CREM: variants seen among roughly 807,000 people sequenced by gnomAD.
The protein encoded by CREM is cAMP responsive element modulator, also known as cAMP-responsive element modulator.
In CREM, 13 loss-of-function variants were observed where a neutral mutation model predicts 37.3. The observed-to-expected ratio is 0.35, with a 90% CI of 0.23 to 0.55. The LOEUF is 0.55. Among genes scored for constraint, CREM ranks in the 20% least tolerant of loss-of-function variants. The pLI is 0.88. For synonymous variants in CREM, 124 were observed against 120.2 expected, an observed-to-expected ratio of 1.03 and a Z score of -0.21; for missense variants, 296 against 362.3, an observed-to-expected ratio of 0.82 and a Z score of 1.49.
At chr10:35,172,798 T>G (rs2093886148) in intron 3 of CREM, among the ~76,000 whole-genome samples, 1 of 152,208 alleles carries the variant, frequency 6.6e-6, no homozygotes, top group Non-Finnish European at 1.5e-5. Flanking sequence ...CTGCCTGTTT[T>G]TCCACAGAAC....
chr10:35,139,652 G>A (rs1430626892), intron 2 of CREM, among the ~76,000 whole-genome samples: 2 of 152,020 alleles, frequency 1.3e-5, no homozygotes, highest in Non-Finnish European at 2.9e-5. Context: ...GTTAATTAAA[G>A]ACTATTAGTT....
At chr10:35,186,976 T>C (rs1372430195) in intron 5 of CREM, among the ~76,000 whole-genome samples, 1 of 91,750 alleles carries the variant, frequency 1.1e-5, no homozygotes, top group Non-Finnish European at 1.9e-5. Context: ...ATTTATATAT[T>C]ATATGTGATA....
At chr10:35,157,946 T>C (rs1167354724) in intron 3 of CREM, among the ~76,000 whole-genome samples, 1 of 152,124 alleles carries the variant, frequency 6.6e-6, no homozygotes, top group African/African-American at 2.4e-5. Flanking sequence ...TATGTACTAA[T>C]AGTGAACTAC....
intron 3 of CREM, among the ~76,000 whole-genome samples, chr10:35,150,518 C>T (rs553396746): frequency 6.6e-6 from 1 of 152,254 alleles, no homozygotes; most frequent in African/African-American, 2.4e-5. Flanking sequence ...CTGTGAGCCT[C>T]ACTCAGAAAT....
intron 5 of CREM, among the ~76,000 whole-genome samples, chr10:35,185,236 G>A (rs1443763208): frequency 1.3e-5 from 2 of 151,852 alleles, no homozygotes; most frequent in African/African-American, 4.8e-5. Flanking sequence ...CCGAGGAGCT[G>A]GGATTGCAGG....
At chr10:35,166,852 T>C (rs944317694) in intron 3 of CREM, among the ~76,000 whole-genome samples, 2 of 151,890 alleles carry the variant, frequency 1.3e-5, no homozygotes, top group African/African-American at 4.8e-5. Context: ...CTTTTAAAAA[T>C]TAAAGTGGGC....
Position 35,211,592 on chromosome 10 carries a change from T to G in CREM, c.*194T>G. On this transcript the variant is annotated 3_prime_UTR_variant, in exon 8 of 8. Transcript: ENST00000685392. ...GTGATCACACTTACCGAGCTTACTT[T>G]GATCTGTTTGTCAATAGCATGCAAA... 6.3e-7 allele frequency: 1 copy of G among 1,576,388 alleles called. No homozygotes were observed. Among genetic ancestry groups the G allele is most frequent in the African/African-American group, 1.4e-5 (1 of 73,612 alleles).
At position 35,158,816 on chromosome 10, in the gene CREM, TG is replaced by T. The variant is rs1554897011; in HGVS notation, c.168+10326del. Among the ~76,000 whole-genome samples the T allele has an allele frequency of 7.2e-3, 608 of 84,892 alleles. 13 individuals are homozygous for T. The highest frequency in any genetic ancestry group is 0.019 in the African/African-American group (555 of 29,680). The allele number at this position is 84,892 out of a possible 152,430, so 55.7% of individuals were successfully genotyped here. A position where few individuals can be genotyped will look rare whatever the true frequency, so the allele number is the denominator to read the frequency against. On this transcript the variant is annotated intron_variant, in intron 3 of 7. Transcript: ENST00000685392. ...ATATAGTGTTTTTTTTTTGTTGTTTTGTTTGTTTTTTTTTTTTTTTTACAGA... is the reference window on the plus strand; with the variant it reads ...ATATAGTGTTTTTTTTTTGTTGTTTTTTTGTTTTTTTTTTTTTTTTACAGA...
intron 6 of CREM, among the ~76,000 whole-genome samples, chr10:35,198,955 G>A (rs2095302784): frequency 6.6e-6 from 1 of 152,056 alleles, no homozygotes; most frequent in African/African-American, 2.4e-5. Context: ...TTCAAGACCA[G>A]CCTGGCCAAC....
At chr10:35,176,083 T>C in intron 3 of CREM, 1 of 1,477,392 alleles carries the variant, frequency 6.8e-7, no homozygotes, top group Admixed American at 2.5e-5. Context: ...ATCATTTTTC[T>C]TTATGAAGTG....
chr10:35,163,255 T>A (rs887406184), intron 3 of CREM, among the ~76,000 whole-genome samples: 1 of 152,024 alleles, frequency 6.6e-6, no homozygotes, highest in African/African-American at 2.4e-5. Context: ...AACAAAAATA[T>A]TAAATGTGTG....
chr10:35,127,335 A>ACCCCGGGGCCGGGC (rs965870717), intron 1 of CREM, 142 bp downstream of exon 1: 1 of 151,724 alleles, frequency 6.6e-6, no homozygotes, highest in Admixed American at 6.6e-5. Context: ...GCGGGCCGGG[A>ACCCCGGGGCCGGGC]CCCCGGGGCC....
At chr10:35,187,052 T>C (rs1564920414) in intron 5 of CREM, among the ~76,000 whole-genome samples, 1 of 75,306 alleles carries the variant, frequency 1.3e-5, no homozygotes, top group African/African-American at 5.2e-5. Context: ...TTATATATAA[T>C]TAATATATAT....
chr10:35,203,236 A>G (rs1159495115), intron 6 of CREM, among the ~76,000 whole-genome samples: 1 of 152,000 alleles, frequency 6.6e-6, no homozygotes, highest in Non-Finnish European at 1.5e-5. Context: ...TGTAGAGATC[A>G]GGTTTCTCCA....
intron 3 of CREM, among the ~76,000 whole-genome samples, chr10:35,174,388 T>A (rs548371487): frequency 2.0e-5 from 3 of 152,346 alleles, no homozygotes; most frequent in Admixed American, 1.3e-4. Context: ...GTGCACCTAG[T>A]ACAAGGCTCA....
intron 6 of CREM, chr10:35,195,751 G>T: frequency 2.2e-6 from 1 of 446,790 alleles, no homozygotes; most frequent in South Asian, 2.5e-5. Context: ...AAAATGGTCT[G>T]TTCAGCTAAT....
intron 2 of CREM, among the ~76,000 whole-genome samples, chr10:35,142,782 T>G (rs564208573): frequency 6.6e-6 from 1 of 152,058 alleles, no homozygotes; most frequent in African/African-American, 2.4e-5. Context: ...ACTTTTTTGT[T>G]TTCTATGTGG....
At chr10:35,190,241 T>C (rs2094852271) in intron 6 of CREM, among the ~76,000 whole-genome samples, 1 of 152,266 alleles carries the variant, frequency 6.6e-6, no homozygotes, top group Non-Finnish European at 1.5e-5. Flanking sequence ...CAAAGATTTT[T>C]TTCCACATTT....
At chr10:35,177,935 G>A (rs1165208759) in intron 3 of CREM, among the ~76,000 whole-genome samples, 1 of 152,156 alleles carries the variant, frequency 6.6e-6, no homozygotes, top group Non-Finnish European at 1.5e-5. Context: ...GGGTGTGTGT[G>A]CTTATGTGTG....
Sources: allele counts gnomAD v4.1 joint callset (sites outside exome capture counted in the v4.1 genomes callset), GRCh38; gene constraint gnomAD v4.1.1; transcripts MANE v1.5; gene names NCBI Gene and HGNC (gene_info 2026-07-23, HGNC 2026-07-21).